TRPC4AP: variants seen among roughly 807,000 people sequenced by gnomAD.
TRPC4AP encodes the protein short transient receptor potential channel 4-associated protein.
In TRPC4AP, 45 loss-of-function variants were observed where a neutral mutation model predicts 99.0. The ratio of observed to expected loss-of-function variants is 0.45; its 90% CI spans 0.36 to 0.58. The LOEUF is 0.58. Ranked by LOEUF, TRPC4AP falls within the 20% of genes least tolerant of loss-of-function variation. TRPC4AP has a pLI of 0.00. For missense variants in TRPC4AP, 879 were observed against 985.3 expected (o/e 0.89, Z 1.44); for synonymous variants, 408 against 385.8 (o/e 1.06, Z -0.67).
intron 7 of TRPC4AP, among the ~76,000 whole-genome samples, chr20:35,043,392 G>A (rs1024351360): frequency 7.2e-5 from 11 of 152,020 alleles, no homozygotes; most frequent in African/African-American, 2.4e-4. Context: ...GACTACAGGC[G>A]TGCACCACCA....
intron 17 of TRPC4AP, among the ~76,000 whole-genome samples, chr20:35,003,836 C>A (rs968954745): frequency 1.3e-5 from 2 of 152,228 alleles, no homozygotes; most frequent in Non-Finnish European, 2.9e-5. Flanking sequence ...CCACCTCCCA[C>A]CCCACCTGAG....
chr20:35,070,857 G>A (rs1314724840), intron 2 of TRPC4AP, among the ~76,000 whole-genome samples: 1 of 152,006 alleles, frequency 6.6e-6, no homozygotes, highest in Non-Finnish European at 1.5e-5. Flanking sequence ...TGTTCATATG[G>A]AACAAAGCTA....
chr20:35,015,461 CTT>C lies in TRPC4AP; in HGVS notation c.1350+545_1350+546del, dbSNP rs57896641. Among the ~76,000 whole-genome samples the C allele has an allele frequency of 1.2e-3, 151 of 126,084 alleles. 3 individuals are homozygous for C. In the South Asian group the frequency reaches 0.029, roughly 24 times the overall value. 82.7% of individuals were successfully genotyped at this position (126,084 alleles called of 152,430 possible). ...TTGGCTAGAGGGCCTCAGGCAGGAACTTTTTTTTTTTTTTTTTTTGAGACACA... is the reference window on the plus strand; with the variant it reads ...TTGGCTAGAGGGCCTCAGGCAGGAACTTTTTTTTTTTTTTTTTGAGACACA... On this transcript the variant is annotated intron_variant, in intron 10 of 18. Coordinates refer to ENST00000252015, the MANE Select transcript of TRPC4AP (RefSeq NM_015638.3).
chr20:35,022,703 T>C (rs535114460), intron 8 of TRPC4AP, among the ~76,000 whole-genome samples: 9 of 152,218 alleles, frequency 5.9e-5, no homozygotes, highest in Admixed American at 5.9e-4. Flanking sequence ...AGTGATACTC[T>C]TTAAAGTATC....
chr20:35,051,534 T>C (rs1434510112), intron 5 of TRPC4AP, among the ~76,000 whole-genome samples: 1 of 150,388 alleles, frequency 6.6e-6, no homozygotes, highest in Non-Finnish European at 1.5e-5. Context: ...TCTTTGACGA[T>C]CACATTAAAT....
chr20:35,077,969 A>AG (rs984338103), intron 2 of TRPC4AP, 77 bp downstream of exon 2: 16 of 1,469,342 alleles, frequency 1.1e-5, no homozygotes, highest in African/African-American at 1.4e-5. Flanking sequence ...AGCCAACGGA[A>AG]GGGAAAAAAA....
At chr20:35,006,375 G>A in intron 15 of TRPC4AP, 60 bp downstream of exon 15, 1 of 1,585,996 alleles carries the variant, frequency 6.3e-7, no homozygotes, top group Non-Finnish European at 8.6e-7. Flanking sequence ...GGCAGACCAG[G>A]ACTCCAGGTG....
intron 1 of TRPC4AP, among the ~76,000 whole-genome samples, chr20:35,088,576 C>CACTGGCT (rs1330903063): frequency 6.6e-6 from 1 of 152,250 alleles, no homozygotes; most frequent in Non-Finnish European, 1.5e-5. Flanking sequence ...CTATATGCCA[C>CACTGGCT]ACTGGCTACG....
In TRPC4AP at chr20:35,050,001, C is replaced by T. The variant is rs1311581597; in HGVS notation, c.529-7G>A. The T allele has an allele frequency of 8.7e-6, 14 of 1,612,042 alleles. No homozygotes were observed. The South Asian group carries it at 1.1e-4, about 13-fold the overall frequency. On this transcript the variant is annotated splice_polypyrimidine_tract_variant and splice_region_variant and intron_variant, in intron 5 of 18. Transcript: ENST00000252015. Reference sequence around the variant, plus strand: ...GCTTTGTAACTCCCTCTGTCTGTCACAAGAAGAAAAGGCAGAATAGGTTGT... The same window carrying T: ...GCTTTGTAACTCCCTCTGTCTGTCATAAGAAGAAAAGGCAGAATAGGTTGT...
chr20:35,015,831 G>A (rs1043116493), intron 10 of TRPC4AP, among the ~76,000 whole-genome samples, 177 bp downstream of exon 10: 2 of 152,136 alleles, frequency 1.3e-5, no homozygotes, highest in African/African-American at 2.4e-5. Context: ...TTGGGGTGGG[G>A]AGTGGAGTTC....
chr20:35,004,989 G>T (rs1405999406), intron 16 of TRPC4AP, among the ~76,000 whole-genome samples: 2 of 152,186 alleles, frequency 1.3e-5, no homozygotes, highest in African/African-American at 2.4e-5. Flanking sequence ...CAGCTCTCAG[G>T]TGAGTCCGGC....
In TRPC4AP at chr20:35,055,861, T is replaced by A. The variant is rs1026379734; in HGVS notation, c.473-830A>T. ...TTACTAATTCTTATAAAGAAACTAC[T>A]ACTTCCCTGTGAGCAGGAACAGGAA... On this transcript the variant is annotated intron_variant, in intron 4 of 18. Transcript: ENST00000252015. Among the ~76,000 whole-genome samples, 8 of 152,230 alleles carry A rather than the reference T, an allele frequency of 5.3e-5. 1 individual carries two copies. Among genetic ancestry groups the A allele is most frequent in the African/African-American group, 1.9e-4 (8 of 41,464 alleles).
intron 1 of TRPC4AP, among the ~76,000 whole-genome samples, chr20:35,091,492 A>AC (rs1248367722): frequency 1.3e-5 from 2 of 152,052 alleles, no homozygotes; most frequent in East Asian, 3.9e-4. Context: ...TCTCACTCCC[A>AC]TTTTCTCCCC....
At chr20:35,017,922 C>T (rs902017323) in intron 9 of TRPC4AP, among the ~76,000 whole-genome samples, 3 of 152,192 alleles carry the variant, frequency 2.0e-5, no homozygotes, top group Admixed American at 2.0e-4. Flanking sequence ...TAAAATGACA[C>T]CTGTTCTGCC....
At chr20:35,023,671 C>G (rs1384944477) in intron 8 of TRPC4AP, among the ~76,000 whole-genome samples, 4 of 152,218 alleles carry the variant, frequency 2.6e-5, no homozygotes, top group African/African-American at 9.6e-5. Context: ...TGAAGTGAAC[C>G]TGAAGAACTA....
At chr20:35,092,477 A>T (rs924940562) in intron 1 of TRPC4AP, 137 bp downstream of exon 1, 5 of 1,032,106 alleles carry the variant, frequency 4.8e-6, no homozygotes, top group Non-Finnish European at 6.6e-6. Context: ...GCGTCCGGGC[A>T]GCTCACAGGG....
At chr20:35,005,612 T>G in intron 16 of TRPC4AP, 83 bp downstream of exon 16, 6 of 1,336,904 alleles carry the variant, frequency 4.5e-6, no homozygotes, top group Non-Finnish European at 6.4e-6. Context: ...TCAGTCATTC[T>G]TGTCTCCCTG....
At chr20:35,089,818 T>TCCGAC (rs1460959189) in intron 1 of TRPC4AP, among the ~76,000 whole-genome samples, 6 of 151,776 alleles carry the variant, frequency 4.0e-5, no homozygotes, top group African/African-American at 1.5e-4. Flanking sequence ...TGCACTCCAG[T>TCCGAC]CTGGGCAACA....
At chr20:35,087,595 T>A (rs183060459) in intron 1 of TRPC4AP, among the ~76,000 whole-genome samples, 1 of 152,278 alleles carries the variant, frequency 6.6e-6, no homozygotes, top group East Asian at 1.9e-4. Flanking sequence ...CAACTCGTAC[T>A]GATCATTTGG....
Sources: gnomAD v4.1 joint callset for allele counts (sites outside exome capture counted in the v4.1 genomes callset) on GRCh38, gnomAD v4.1.1 for gene constraint, MANE v1.5 for transcripts, NCBI Gene and HGNC (gene_info 2026-07-23, HGNC 2026-07-21) for gene names.